RNASEH2B: variants seen among roughly 807,000 people sequenced by gnomAD.
RNASEH2B encodes the protein ribonuclease H2 subunit B.
Under a neutral mutation model 45.0 loss-of-function variants are expected in RNASEH2B, and 36 were observed. The observed-to-expected ratio is 0.80, with a 90% CI of 0.61 to 1.06. RNASEH2B has a LOEUF of 1.06. RNASEH2B is among the 50% of genes least tolerant of loss of function. The pLI is 0.00. For synonymous variants in RNASEH2B, 119 were observed against 125.7 expected (o/e 0.95, Z 0.35); for missense variants, 361 against 360.3 (o/e 1.00, Z -0.02).
intron 8 of RNASEH2B, 178 bp from the exon 9 acceptor site, chr13:50,949,285 A>C: frequency 1.6e-6 from 1 of 608,740 alleles, no homozygotes; most frequent in South Asian, 2.1e-5. Flanking sequence ...ATCAAAATAA[A>C]GACTCATTTA....
intron 10 of RNASEH2B, chr13:50,954,432 A>G (rs935573845): frequency 4.6e-6 from 1 of 215,968 alleles, no homozygotes; most frequent in Non-Finnish European, 9.2e-6. Flanking sequence ...GTGGCCTTTA[A>G]CATTGGCATT....
exon 10 of RNASEH2B, chr13:50,970,379 G>A: frequency 2.6e-6 from 1 of 380,024 alleles, no homozygotes; most frequent in Non-Finnish European, 4.6e-6. Flanking sequence ...ATATCAATTT[G>A]GAAGCTTCTA....
chr13:50,966,711 G>A (rs1048828488), intron 9 of RNASEH2B, among the ~76,000 whole-genome samples: 1 of 152,000 alleles, frequency 6.6e-6, no homozygotes, highest in Non-Finnish European at 1.5e-5. Context: ...TTGTTTGTTC[G>A]AATCTGTTTC....
chr13:50,953,701 C>G (rs1255447882), intron 9 of RNASEH2B: 2 of 598,418 alleles, frequency 3.3e-6, no homozygotes, highest in Non-Finnish European at 5.9e-6. Context: ...ATCACCAAGG[C>G]TGCTTCTTAG....
Position 50,918,081 on chromosome 13 carries a change from G to A in RNASEH2B, c.64+7941G>A, listed in dbSNP as rs923706438. 2.0e-5 allele frequency among the ~76,000 whole-genome samples: 3 copies of A among 152,284 alleles called. No homozygotes were observed. In the East Asian group the frequency reaches 5.8e-4, roughly 29 times the overall value. On this transcript the variant is annotated intron_variant, in intron 1 of 10. Coordinates refer to ENST00000336617, the MANE Select transcript of RNASEH2B (RefSeq NM_024570.4). ...GTTGTTGATAGGGACAGCCCTGAAA[G>A]AATGGAGATTTTGTCTTCTATGGTC...
At chr13:50,945,587 G>GTAAA in intron 7 of RNASEH2B, 55 bp downstream of exon 7, 1 of 1,113,428 alleles carries the variant, frequency 9.0e-7, no homozygotes, top group South Asian at 1.2e-5. Context: ...TTGCTTATGT[G>GTAAA]TAAATGCCTA....
rs938053656 is a variant in RNASEH2B at position 50,909,824 on chromosome 13, C to T, written c.-253C>T. The T allele has an allele frequency of 1.1e-4, 46 of 401,372 alleles. No homozygotes were observed. Among genetic ancestry groups the T allele is most frequent in the Non-Finnish European group, 1.7e-4 (39 of 224,432 alleles). The allele number at this position is 401,372 out of a possible 1,614,324, so 24.9% of individuals were successfully genotyped here. A position where few individuals can be genotyped will look rare whatever the true frequency, so the allele number is the denominator to read the frequency against. ...AGCCGCGAGGGAGAGGCCGCGGCCCCTTCCCGTTGCCTGCGGCCACCGGCC... is the reference window on the plus strand; with the variant it reads ...AGCCGCGAGGGAGAGGCCGCGGCCCTTTCCCGTTGCCTGCGGCCACCGGCC... On this transcript the variant is annotated 5_prime_UTR_variant, in exon 1 of 11. Transcript: ENST00000336617.
At chr13:50,952,772 A>T (rs1951993266) in intron 9 of RNASEH2B, 1 of 152,152 alleles carries the variant, frequency 6.6e-6, no homozygotes, top group Non-Finnish European at 1.5e-5. Context: ...TTTGTGATGG[A>T]TTAGTCTTTT....
At chr13:50,954,249 G>A in intron 10 of RNASEH2B, 4 of 555,102 alleles carry the variant, frequency 7.2e-6, no homozygotes, top group Non-Finnish European at 1.3e-5. Flanking sequence ...TAGAGTGATA[G>A]GGTGGGAAAG....
chr13:50,965,265 G>T (rs569228006), intron 9 of RNASEH2B, among the ~76,000 whole-genome samples: 1 of 152,176 alleles, frequency 6.6e-6, no homozygotes. Flanking sequence ...TGCTATACAG[G>T]TTTGTACCCC....
intron 6 of RNASEH2B, among the ~76,000 whole-genome samples, chr13:50,944,985 T>A (rs2137988890): frequency 6.6e-6 from 1 of 152,354 alleles, no homozygotes; most frequent in South Asian, 2.1e-4. Context: ...CATATAAATT[T>A]TGTGCCAGGT....
chr13:50,924,855 C>G (rs1347916306), intron 1 of RNASEH2B, among the ~76,000 whole-genome samples: 2 of 152,132 alleles, frequency 1.3e-5, no homozygotes, highest in African/African-American at 4.8e-5. Context: ...CCAAGATTTT[C>G]TTTTAATTAC....
intron 9 of RNASEH2B, chr13:50,951,225 C>A (rs985911571): frequency 2.6e-5 from 4 of 152,160 alleles, no homozygotes; most frequent in African/African-American, 9.7e-5. Context: ...GTACACATGA[C>A]AAACTATACT....
intron 9 of RNASEH2B, chr13:50,969,828 C>T (rs757797126): frequency 4.2e-6 from 5 of 1,177,164 alleles, no homozygotes; most frequent in South Asian, 2.7e-5. Flanking sequence ...GGACTAAACC[C>T]GCCAGCCCTG....
intron 9 of RNASEH2B, among the ~76,000 whole-genome samples, chr13:50,961,970 A>G (rs1319001512): frequency 6.6e-6 from 1 of 152,142 alleles, no homozygotes; most frequent in Admixed American, 6.5e-5. Context: ...TTTCTTTTTA[A>G]TAGAGGAATG....
chr13:50,956,496 C>A lies in RNASEH2B; in HGVS notation c.*22C>A. 6.3e-7 allele frequency: 1 copy of A among 1,585,496 alleles called. No individual in the cohort carries two copies. The highest frequency in any genetic ancestry group is 8.6e-7 in the Non-Finnish European group (1 of 1,162,378). On this transcript the variant is annotated 3_prime_UTR_variant, in exon 11 of 11. Coordinates refer to ENST00000336617, the MANE Select transcript of RNASEH2B (RefSeq NM_024570.4). The stretch of plus-strand genomic sequence containing the variant: ...TTGAAACTTTGAAAATAAAATCTAG[C>A]AAAAATATTTGCTTTTTACATGTTT...
intron 2 of RNASEH2B, chr13:50,928,490 G>T (rs538580350): frequency 6.6e-6 from 1 of 152,280 alleles, no homozygotes; most frequent in East Asian, 1.9e-4. Flanking sequence ...AGGTTCTAAA[G>T]CATTTAAGAA....
Position 50,910,136 on chromosome 13 carries a change from T to G in RNASEH2B, c.60T>G (p.Val20=). ...GVGARQHVFL[V]SEYLKDASKK... ...GCGCCCGGCAGCACGTGTTCCTGGT[T>G]TCAGGTAAACACGCGCGCCCGGGCG... Residue 20 remains valine, a synonymous_variant, in exon 1 of 11, where the codon GTT becomes GTG. Transcript: ENST00000336617. 2.1e-6 allele frequency: 3 copies of G among 1,450,676 alleles called. No homozygotes were observed. Among genetic ancestry groups the G allele is most frequent in the Non-Finnish European group, 2.7e-6 (3 of 1,101,952 alleles). The allele number at this position is 1,450,676 out of a possible 1,614,324, so 89.9% of individuals were successfully genotyped here.
chr13:50,931,577 T>C (rs1951681849), intron 4 of RNASEH2B, among the ~76,000 whole-genome samples: 1 of 152,224 alleles, frequency 6.6e-6, no homozygotes, highest in African/African-American at 2.4e-5. Context: ...AACTGGATTC[T>C]TATATCTGAT....
Sources: gnomAD v4.1 joint callset for allele counts (sites outside exome capture counted in the v4.1 genomes callset) on GRCh38, gnomAD v4.1.1 for gene constraint, MANE v1.5 for transcripts, NCBI Gene and HGNC (gene_info 2026-07-23, HGNC 2026-07-21) for gene names.